Variants in FBXO3 observed in about 807,000 individuals in gnomAD.
The protein encoded by FBXO3 is F-box only protein 3.
Under a neutral mutation model 64.8 loss-of-function variants are expected in FBXO3, and 17 were observed. The ratio of observed to expected loss-of-function variants is 0.26; its 90% CI spans 0.18 to 0.39. The LOEUF (loss-of-function observed/expected upper bound fraction) is 0.39. Among genes scored for constraint, FBXO3 ranks in the 10% least tolerant of loss-of-function variants. The pLI, the probability that FBXO3 is intolerant of heterozygous loss-of-function variation, is 1.00. For synonymous variants in FBXO3, 182 were observed against 201.6 expected, an observed-to-expected ratio of 0.90 and a Z score of 0.82; for missense variants, 420 against 589.9, an observed-to-expected ratio of 0.71 and a Z score of 2.98.
Position 33,754,466 on chromosome 11 carries a change from A to G in FBXO3, c.713T>C (p.Met238Thr), listed in dbSNP as rs1404017636. 6.3e-7 allele frequency: 1 copy of G among 1,584,928 alleles called. No individual in the cohort carries two copies. Among genetic ancestry groups the G allele is most frequent in the Non-Finnish European group, 8.6e-7 (1 of 1,167,478 alleles). ...QMARNPAAID[M>T]FIIGATFTDW... ...TTTTTCTTTCCTACCTATAATAAAC[A>G]TGTCAATAGCAGCTGGATTTCGAGC... The change falls in exon 6 of 11, where the codon ATG becomes ACG. Residue 238 changes from methionine to threonine, a missense_variant. By Grantham distance (81) the Met-to-Thr change is moderately conservative. Coordinates refer to ENST00000265651, the MANE Select transcript of FBXO3 (RefSeq NM_012175.4).
intron 1 of FBXO3, chr11:33,773,511 C>G (rs1364975468): frequency 1.3e-5 from 2 of 152,350 alleles, no homozygotes; most frequent in East Asian, 3.9e-4. Context: ...AAGAGGGCGA[C>G]TTTGCATCCT....
intron 10 of FBXO3, chr11:33,744,097 C>T (rs1217627558): frequency 6.6e-6 from 1 of 152,012 alleles, no homozygotes; most frequent in African/African-American, 2.4e-5. Context: ...TAAGACATTA[C>T]ATTCTTTTAT....
intron 2 of FBXO3, among the ~76,000 whole-genome samples, chr11:33,769,838 G>A (rs372488943): frequency 3.7e-4 from 48 of 131,030 alleles, no homozygotes; most frequent in African/African-American, 1.1e-3. Context: ...ATGGGGAAAA[G>A]AACAACTCAG....
Position 33,743,449 on chromosome 11 carries a change from T to A in FBXO3, c.1240-1365A>T, listed in dbSNP as rs764445356. On this transcript the variant is annotated intron_variant, in intron 10 of 10. Transcript: ENST00000265651. This position sits in a 1 kb window ranked among gnomAD's most constrained non-coding sequence, Gnocchi z 4.6. ...AGACGCAATGGGAGGGGCTGCTACA[T>A]TGAACAGAATTCTGAACAGCAAGGA... 2 of 152,328 alleles carry A rather than the reference T, an allele frequency of 1.3e-5. No homozygotes were observed. Among genetic ancestry groups the A allele is most frequent in the East Asian group, 3.9e-4 (2 of 5,178 alleles). 9.4% of individuals were successfully genotyped at this position (152,328 alleles called of 1,614,324 possible).
chr11:33,770,124 T>C (rs1471864475), intron 2 of FBXO3, among the ~76,000 whole-genome samples: 1 of 152,176 alleles, frequency 6.6e-6, no homozygotes, highest in African/African-American at 2.4e-5. Flanking sequence ...CACGGGAAGA[T>C]CTAGCAATAC....
intron 1 of FBXO3, chr11:33,773,612 G>A (rs935056575): frequency 6.6e-6 from 1 of 152,266 alleles, no homozygotes; most frequent in Non-Finnish European, 1.5e-5. Context: ...GGGCGGGCTG[G>A]CAGCGCCATT....
At chr11:33,748,700 T>C in intron 9 of FBXO3, 77 bp downstream of exon 9, 1 of 847,776 alleles carries the variant, frequency 1.2e-6, no homozygotes, top group Non-Finnish European at 1.9e-6. Context: ...TATACATTTA[T>C]ATGTTATATT....
intron 4 of FBXO3, among the ~76,000 whole-genome samples, chr11:33,756,570 T>C (rs1405373690): frequency 6.6e-6 from 1 of 152,224 alleles, no homozygotes; most frequent in Non-Finnish European, 1.5e-5. Flanking sequence ...TTATGACCTA[T>C]TGGTCATGTC....
At chr11:33,759,035 T>G (rs2133610143) in intron 3 of FBXO3, among the ~76,000 whole-genome samples, 1 of 152,264 alleles carries the variant, frequency 6.6e-6, no homozygotes, top group African/African-American at 2.4e-5. Context: ...GGTTCATGTG[T>G]GAGGAGGCCA....
chr11:33,757,589 CAGG>C (rs1200791104), intron 4 of FBXO3, among the ~76,000 whole-genome samples: 1 of 132,302 alleles, frequency 7.6e-6, no homozygotes, highest in Non-Finnish European at 1.6e-5. Flanking sequence ...GAGGCAGACG[CAGG>C]AGGACTGCTT....
Position 33,768,890 on chromosome 11 carries a change from A to G in FBXO3, c.319T>C (p.Leu107=), listed in dbSNP as rs747495018. 11 of 1,613,982 alleles carry G rather than the reference A, an allele frequency of 6.8e-6. No homozygotes were observed. Among genetic ancestry groups the G allele is most frequent in the South Asian group, 1.1e-5 (1 of 91,086 alleles). ...KKAWDDLKKY[L]EPRCPRMVLS... ...ACCATCCGAGGACACCTGGGCTCCA[A>G]ATATTTCTTGAGATCATCCCAGGCC... Residue 107 remains leucine (L), a synonymous_variant, in exon 3 of 11, where the codon TTG becomes CTG. Transcript: ENST00000265651.
At chr11:33,764,222 C>G (rs1223412570) in intron 3 of FBXO3, among the ~76,000 whole-genome samples, 1 of 152,184 alleles carries the variant, frequency 6.6e-6, no homozygotes, top group African/African-American at 2.4e-5. Flanking sequence ...AAGATTGAAT[C>G]TCACAAAGTA....
intron 6 of FBXO3, 42 bp downstream of exon 6, chr11:33,754,413 G>A: frequency 6.7e-7 from 1 of 1,496,412 alleles, no homozygotes; most frequent in South Asian, 1.3e-5. Context: ...ATTATATCCA[G>A]GAAGAAGAAG....
intron 2 of FBXO3, among the ~76,000 whole-genome samples, chr11:33,769,779 TGG>T (rs1855464982): frequency 6.8e-6 from 1 of 148,094 alleles, no homozygotes; most frequent in Non-Finnish European, 1.5e-5. Flanking sequence ...GATGCCTGAG[TGG>T]ATGATGCTGC....
In FBXO3 at chr11:33,741,757, TA is replaced by T. The variant is rs748707201; in HGVS notation, c.*150del. On this transcript the variant is annotated 3_prime_UTR_variant, in exon 11 of 11. Transcript: ENST00000265651. The stretch of plus-strand genomic sequence containing the variant: ...AAGCAAACCCAAACAATCCAATTCC[TA>T]ATGTAGTGTCACATAGAACCCAGGG... 3.1e-6 allele frequency: 2 copies of T among 654,994 alleles called. No individual in the cohort carries two copies. Among genetic ancestry groups the T allele is most frequent in the Non-Finnish European group, 4.5e-6 (2 of 442,956 alleles). 40.6% of individuals were successfully genotyped at this position (654,994 alleles called of 1,614,324 possible).
At position 33,747,310 on chromosome 11, in the gene FBXO3, T is replaced by G. The variant is rs1854839379; in HGVS notation, c.1059A>C (p.Pro353=). Residue 353 remains proline (P), a synonymous_variant, in exon 10 of 11, where the codon CCA becomes CCC. Transcript: ENST00000265651. ...VQGPGVVGEF[P]IISPGRVYEY... is the part of the protein sequence containing the mutation. ...CATATACCCGACCTGGGCTGATGAT[T>G]GGAAATTCACCTGCAGGGAAAACAG... The G allele has an allele frequency of 6.2e-7, 1 of 1,608,090 alleles. No individual in the cohort carries two copies. The highest frequency in any genetic ancestry group is 1.1e-5 in the South Asian group (1 of 89,938).
chr11:33,743,108 G>T lies in FBXO3; in HGVS notation c.1240-1024C>A, dbSNP rs1307586119. 6.6e-6 allele frequency: 1 copy of T among 152,200 alleles called. No individual in the cohort carries two copies. The highest frequency in any genetic ancestry group is 1.5e-5 in the Non-Finnish European group (1 of 68,072). The allele number at this position is 152,200 out of a possible 1,614,324, so 9.4% of individuals were successfully genotyped here. On this transcript the variant is annotated intron_variant, in intron 10 of 10. Transcript: ENST00000265651. The surrounding 1 kb of genome is among the most constrained non-coding windows in gnomAD (Gnocchi z 4.6). Reference sequence around the variant, plus strand: ...TGGTAGCTGGACTTCTTACATGGTGGCTCAGGGTGTCAAAGACACATGTCC... The same window carrying T: ...TGGTAGCTGGACTTCTTACATGGTGTCTCAGGGTGTCAAAGACACATGTCC...
At chr11:33,757,619 T>C (rs1237498896) in intron 4 of FBXO3, among the ~76,000 whole-genome samples, 52 of 104,014 alleles carry the variant, frequency 5.0e-4, no homozygotes, top group Non-Finnish European at 2.5e-4. Context: ...AGGAGTTAAA[T>C]ACCACTAGCC....
intron 3 of FBXO3, among the ~76,000 whole-genome samples, chr11:33,765,247 C>T (rs1855339467): frequency 6.6e-6 from 1 of 152,130 alleles, no homozygotes; most frequent in Admixed American, 6.5e-5. Context: ...ATAGAACTCT[C>T]TGAACTCTCT....
Sources: allele counts gnomAD v4.1 joint callset (sites outside exome capture counted in the v4.1 genomes callset), GRCh38; gene constraint gnomAD v4.1.1; non-coding constraint Gnocchi (gnomAD v3.1); transcripts MANE v1.5; gene names NCBI Gene and HGNC (gene_info 2026-07-23, HGNC 2026-07-21).